The following DNAAF8 variants were observed in gnomAD, a reference collection of about 807,000 sequenced individuals.
The protein encoded by DNAAF8 is dynein axonemal-associated protein 1.
DNAAF8 carries 61 observed loss-of-function variants against 54.6 expected under a neutral mutation model. That is an observed-to-expected ratio of 1.12 (90% confidence interval 0.91 to 1.38). The LOEUF (loss-of-function observed/expected upper bound fraction) is 1.38. DNAAF8 is among the 40% of genes most tolerant of loss of function. DNAAF8 has a pLI of 0.00. For synonymous variants in DNAAF8, 320 were observed against 270.1 expected, an observed-to-expected ratio of 1.18 and a Z score of -1.81; for missense variants, 837 against 665.0, an observed-to-expected ratio of 1.26 and a Z score of -2.85.
intron 5 of DNAAF8, 33 bp downstream of exon 5, chr16:4,743,193 C>G (rs771324933): frequency 6.8e-7 from 1 of 1,473,366 alleles, no homozygotes; most frequent in Non-Finnish European, 9.3e-7. Context: ...CCACGTGAAT[C>G]CCCACAAGCA....
At chr16:4,746,316 G>A (rs752370666) in intron 6 of DNAAF8, 59 bp from the exon 7 acceptor site, 7 of 1,532,770 alleles carry the variant, frequency 4.6e-6, no homozygotes, top group Non-Finnish European at 6.2e-6. Context: ...CAAACCCAGC[G>A]CAGGTCACAG....
chr16:4,738,475 A>G (rs914870531), intron 3 of DNAAF8, among the ~76,000 whole-genome samples: 1 of 152,248 alleles, frequency 6.6e-6, no homozygotes, highest in Non-Finnish European at 1.5e-5. Flanking sequence ...CCAGGAGACA[A>G]TGAGCAAATG....
Position 4,743,153 on chromosome 16 carries a change from A to G in DNAAF8, c.894A>G (p.Gln298=). ...TGTGGTGGGCAGCTGACCACCGCCAAGTTCAAGGTCTGACCTTGAACACTG... is the reference window on the plus strand; with the variant it reads ...TGTGGTGGGCAGCTGACCACCGCCAGGTTCAAGGTCTGACCTTGAACACTG... ...GTVWWAADHR[Q]VQDRMVPSAH... is the part of the protein sequence containing the mutation. The change falls in exon 5 of 10, where the codon CAA becomes CAG. Residue 298 remains glutamine, a synonymous_variant. Transcript: ENST00000299320. 1 of 1,599,600 alleles carries G rather than the reference A, an allele frequency of 6.3e-7. No homozygotes were observed.
Position 4,736,648 on chromosome 16 carries a change from G to A in DNAAF8, c.129+5G>A. 6.4e-7 allele frequency: 1 copy of A among 1,553,676 alleles called. No homozygotes were observed. Among genetic ancestry groups the A allele is most frequent in the Non-Finnish European group, 8.7e-7 (1 of 1,147,366 alleles). On this transcript the variant is annotated splice_donor_5th_base_variant and intron_variant, in intron 2 of 9. Transcript: ENST00000299320. ...CTGGACTCAGACTCCCCTTTGGTAA[G>A]CAAGAACTCTCTCCCTGGATGCCTT...
At chr16:4,744,577 G>A (rs2081989122) in intron 5 of DNAAF8, among the ~76,000 whole-genome samples, 1 of 151,948 alleles carries the variant, frequency 6.6e-6, no homozygotes, top group South Asian at 2.1e-4. Context: ...GATCACCTGT[G>A]ACAAGTGGGA....
intron 2 of DNAAF8, 78 bp downstream of exon 2, chr16:4,736,721 G>A (rs1239419441): frequency 4.5e-6 from 6 of 1,321,706 alleles, no homozygotes; most frequent in Non-Finnish European, 6.0e-6. Context: ...CAGCTTTGGA[G>A]CACTTCTCTG....
intron 4 of DNAAF8, 120 bp from the exon 5 acceptor site, chr16:4,742,923 C>A (rs538417885): frequency 1.2e-6 from 1 of 838,236 alleles, no homozygotes; most frequent in South Asian, 1.5e-5. Context: ...GCACTGAATT[C>A]CTGATTTCTA....
chr16:4,740,267 G>A lies in DNAAF8; in HGVS notation c.391G>A (p.Gly131Ser). 6.2e-7 allele frequency: 1 copy of A among 1,613,996 alleles called. No homozygotes were observed. Among genetic ancestry groups the A allele is most frequent in the Non-Finnish European group, 8.5e-7 (1 of 1,179,992 alleles). ...RDPGRPFESS[G>S]EVSALLGMAE... is the part of the protein sequence containing the mutation. ...CCCTGGCAGGCCTTTTGAAAGCTCT[G>A]GTGAGGTCAGCGCTCTTCTTGGGAT... Residue 131 changes from glycine to serine, a missense_variant, in exon 4 of 10, where the codon GGT becomes AGT. Coordinates refer to ENST00000299320, the MANE Select transcript of DNAAF8 (RefSeq NM_139170.3).
rs2081904130 is a variant in DNAAF8, at chr16:4,736,568, C to A, written c.54C>A (p.Ser18=). ...MAPSLGSPWA[S]QMGPWDAILK... is the part of the protein sequence containing the mutation. ...CCTCGCTGGGCTCTCCCTGGGCCTC[C>A]CAGATGGGGCCCTGGGATGCCATCC... The change falls in exon 2 of 10, where the codon TCC becomes TCA. Residue 18 remains serine (S), a synonymous_variant. Coordinates refer to ENST00000299320, the MANE Select transcript of DNAAF8 (RefSeq NM_139170.3). 6.3e-7 allele frequency: 1 copy of A among 1,589,556 alleles called. No individual in the cohort carries two copies. Among genetic ancestry groups the A allele is most frequent in the Non-Finnish European group, 8.6e-7 (1 of 1,164,376 alleles).
intron 5 of DNAAF8, 111 bp from the exon 6 acceptor site, chr16:4,744,759 G>A (rs2081991842): frequency 1.0e-5 from 14 of 1,347,700 alleles, no homozygotes; most frequent in Non-Finnish European, 1.2e-5. Flanking sequence ...CAGTGGAGGA[G>A]CCTGAGGTCC....
At chr16:4,745,886 G>A (rs1438981626) in intron 6 of DNAAF8, among the ~76,000 whole-genome samples, 8 of 151,508 alleles carry the variant, frequency 5.3e-5, no homozygotes, top group Admixed American at 3.3e-4. Flanking sequence ...CCCAGGAGGC[G>A]GAGGTTGCAG....
chr16:4,737,526 C>G (rs977861521), intron 2 of DNAAF8, among the ~76,000 whole-genome samples: 1 of 152,200 alleles, frequency 6.6e-6, no homozygotes, highest in African/African-American at 2.4e-5. Flanking sequence ...CTGCTGTATG[C>G]GAGGTACTTG....
rs999330932 is a variant in DNAAF8 at position 4,743,374 on chromosome 16, G to C, written c.901+214G>C. 4 of 460,220 alleles carry C rather than the reference G, an allele frequency of 8.7e-6. No homozygotes were observed. In the South Asian group the frequency reaches 9.1e-5, roughly 10 times the overall value. 28.5% of individuals were successfully genotyped at this position (460,220 alleles called of 1,614,324 possible). A position where few individuals can be genotyped will look rare whatever the true frequency, so the allele number is the denominator to read the frequency against. On this transcript the variant is annotated intron_variant, in intron 5 of 9. Coordinates refer to ENST00000299320, the MANE Select transcript of DNAAF8 (RefSeq NM_139170.3). The stretch of plus-strand genomic sequence containing the variant: ...ACCGCCTGCTACGTGCCAGGCGTGG[G>C]CCAGGTCCTAGGGACAAAGGAGAGG...
rs754357172 is a variant in DNAAF8 at position 4,746,923 on chromosome 16, G to T, written c.1182-4G>T. 4.5e-6 allele frequency: 7 copies of T among 1,550,990 alleles called. No individual in the cohort carries two copies. In the East Asian group the frequency reaches 1.2e-4, roughly 27 times the overall value. ...CATCCAGAAACCCATTTCTCTCCCT[G>T]CAGCTCCAGCCACAGCTCCTCTGAC... On this transcript the variant is annotated splice_region_variant and splice_polypyrimidine_tract_variant and intron_variant, in intron 7 of 9. Coordinates refer to ENST00000299320, the MANE Select transcript of DNAAF8 (RefSeq NM_139170.3).
Position 4,746,517 on chromosome 16 carries a change from G to A in DNAAF8, c.1181+5G>A, listed in dbSNP as rs200828958. 193 of 1,612,230 alleles carry A rather than the reference G, an allele frequency of 1.2e-4. No homozygotes were observed. The highest frequency in any genetic ancestry group is 4.0e-4 in the Admixed American group (24 of 59,758). On this transcript the variant is annotated splice_donor_5th_base_variant and intron_variant, in intron 7 of 9. Coordinates refer to ENST00000299320, the MANE Select transcript of DNAAF8 (RefSeq NM_139170.3). Reference sequence around the variant, plus strand: ...AGACCACCTGTCCCCAGAAAGGTCCGGAGGGCAGTGACTACCCCATACCAG... The same window carrying A: ...AGACCACCTGTCCCCAGAAAGGTCCAGAGGGCAGTGACTACCCCATACCAG...
At position 4,736,470 on chromosome 16, in the gene DNAAF8, C is replaced by G. The variant is rs752148024; in HGVS notation, c.-45C>G. 11 of 1,463,824 alleles carry G rather than the reference C, an allele frequency of 7.5e-6. No homozygotes were observed. The East Asian group carries it at 2.8e-4, about 38-fold the overall frequency. The allele number at this position is 1,463,824 out of a possible 1,614,324, so 90.7% of individuals were successfully genotyped here. A position where few individuals can be genotyped will look rare whatever the true frequency, so the allele number is the denominator to read the frequency against. On this transcript the variant is annotated 5_prime_UTR_variant, in exon 2 of 10. Transcript: ENST00000299320. ...CACCCTGTGTACCCCACAGAGCTCC[C>G]CGGATTATGGTGCACTGAGAAGGCA...
chr16:4,748,200 C>T (rs2341987), intron 9 of DNAAF8: 90,332 of 149,078 alleles, frequency 0.61, 27,849 homozygotes, highest in East Asian at 0.67. Context: ...TACAGGTGCA[C>T]ACCACCATGT....
chr16:4,738,294 C>A (rs1389593066), intron 3 of DNAAF8, among the ~76,000 whole-genome samples: 1 of 152,194 alleles, frequency 6.6e-6, no homozygotes. Flanking sequence ...CTTAACCCAG[C>A]TGGCTTCATG....
rs773557014 is a variant in DNAAF8, at chr16:4,736,512, C to T, written c.-3C>T. ...GAGAAGGCATCTGGAAGCCTGGGCC[C>T]TCATGGCATCCAACGATAAAGGCAT... is the stretch of plus-strand genomic sequence containing the variant. On this transcript the variant is annotated 5_prime_UTR_variant, in exon 2 of 10. Transcript: ENST00000299320. 4 of 1,546,060 alleles carry T rather than the reference C, an allele frequency of 2.6e-6. No individual in the cohort carries two copies. The East Asian group carries it at 7.1e-5, about 28-fold the overall frequency.
Sources: gnomAD v4.1 joint callset for allele counts (sites outside exome capture counted in the v4.1 genomes callset) on GRCh38, gnomAD v4.1.1 for gene constraint, MANE v1.5 for transcripts, NCBI Gene and HGNC (gene_info 2026-07-23, HGNC 2026-07-21) for gene names.